The following MAGI2 variants were observed in gnomAD, a reference collection of about 807,000 sequenced individuals.
The protein encoded by MAGI2 is membrane-associated guanylate kinase, WW and PDZ domain-containing protein 2.
A neutral mutation model predicts 133.3 loss-of-function variants in MAGI2; 35 were observed. The observed-to-expected ratio is 0.26, with a 90% CI of 0.20 to 0.35. The LOEUF (loss-of-function observed/expected upper bound fraction) is 0.35. Ranked by LOEUF, MAGI2 falls within the 10% of genes least tolerant of loss-of-function variation. MAGI2 has a pLI of 1.00. For synonymous variants in MAGI2, 729 were observed against 710.6 expected, an observed-to-expected ratio of 1.03 and a Z score of -0.41; for missense variants, 1,636 against 1,863.4, an observed-to-expected ratio of 0.88 and a Z score of 2.25.
At chr7:79,228,739 G>A (rs1831095990) in intron 1 of MAGI2, among the ~76,000 whole-genome samples, 2 of 152,176 alleles carry the variant, frequency 1.3e-5, no homozygotes. Context: ...TAAAGGACAA[G>A]AGAGTTAGTT....
intron 3 of MAGI2, among the ~76,000 whole-genome samples, chr7:78,580,374 C>A (rs566621421): frequency 6.6e-6 from 1 of 152,236 alleles, no homozygotes; most frequent in African/African-American, 2.4e-5. Flanking sequence ...TTCTTCTAAA[C>A]AAGGTAATGA....
intron 2 of MAGI2, among the ~76,000 whole-genome samples, chr7:78,993,615 G>A (rs1209518376): frequency 6.6e-6 from 1 of 151,954 alleles, no homozygotes; most frequent in Non-Finnish European, 1.5e-5. Flanking sequence ...CTCAGAGGCA[G>A]CAGTTATGCT....
chr7:79,004,449 G>C (rs531525178), intron 2 of MAGI2, among the ~76,000 whole-genome samples: 4 of 152,256 alleles, frequency 2.6e-5, no homozygotes, highest in African/African-American at 9.6e-5. Flanking sequence ...CAGAGGGTTA[G>C]GAGAGTGAGG....
chr7:78,521,607 C>T lies in MAGI2; in HGVS notation c.577G>A (p.Ala193Thr). ...TCTGTTACATTTAACAATAATGGTG[C>T]TGGTTCTGCTGGCGGCTTTGGGGTA... is the stretch of plus-strand genomic sequence containing the variant. ...YGTPKPPAEPAPLLLNVTDQI... is the reference protein window; with the variant it reads ...YGTPKPPAEPTPLLLNVTDQI... The change falls in exon 4 of 22, where the codon GCA (alanine) becomes ACA (threonine). Residue 193 changes from alanine (A) to threonine (T), a missense_variant. Physicochemically the swap from Ala to Thr is moderately conservative, Grantham distance 58. This residue lies in a region of MAGI2 where 165 missense variants were observed against 128.4 expected (regional missense o/e 1.28). Coordinates refer to ENST00000354212, the MANE Select transcript of MAGI2 (RefSeq NM_012301.4). The T allele has an allele frequency of 1.2e-6, 2 of 1,614,090 alleles. No individual in the cohort carries two copies. The highest frequency in any genetic ancestry group is 1.7e-6 in the Non-Finnish European group (2 of 1,180,010).
At chr7:78,710,200 T>C (rs1415007121) in intron 2 of MAGI2, among the ~76,000 whole-genome samples, 2 of 151,884 alleles carry the variant, frequency 1.3e-5, no homozygotes, top group African/African-American at 2.4e-5. Context: ...ACACACATTC[T>C]ACTAAACAGG....
At chr7:78,382,820 C>T (rs1795047850) in intron 6 of MAGI2, among the ~76,000 whole-genome samples, 1 of 152,028 alleles carries the variant, frequency 6.6e-6, no homozygotes, top group African/African-American at 2.4e-5. Flanking sequence ...TCTATATGAT[C>T]ACATTTTTTA....
At chr7:78,415,991 A>T (rs1473270726) in intron 6 of MAGI2, among the ~76,000 whole-genome samples, 1 of 151,934 alleles carries the variant, frequency 6.6e-6, no homozygotes, top group Non-Finnish European at 1.5e-5. Flanking sequence ...GGGTGGGGTG[A>T]CTCCCAGTTC....
chr7:79,391,514 T>TATATATAGAC (rs1844622831), intron 1 of MAGI2, among the ~76,000 whole-genome samples: 1 of 46,334 alleles, frequency 2.2e-5, no homozygotes, highest in Non-Finnish European at 3.3e-5. Flanking sequence ...TAGACATATA[T>TATATATAGAC]ATATATATAT....
intron 10 of MAGI2, among the ~76,000 whole-genome samples, chr7:78,226,253 C>T (rs1020894697): frequency 6.6e-5 from 10 of 151,762 alleles, no homozygotes; most frequent in African/African-American, 4.8e-5. Flanking sequence ...CGAATGGTGC[C>T]CCCTACCGGT....
At chr7:78,669,364 A>T (rs1814047086) in intron 2 of MAGI2, among the ~76,000 whole-genome samples, 1 of 152,058 alleles carries the variant, frequency 6.6e-6, no homozygotes, top group South Asian at 2.1e-4. Flanking sequence ...TCCCAAGACT[A>T]AACCAGGAAG....
intron 1 of MAGI2, among the ~76,000 whole-genome samples, chr7:79,259,650 T>C (rs1380132503): frequency 2.0e-5 from 3 of 152,218 alleles, no homozygotes; most frequent in Non-Finnish European, 4.4e-5. Context: ...AGTTATAAGT[T>C]ATAAATTTGG....
At chr7:78,980,735 T>C (rs1018849843) in intron 2 of MAGI2, among the ~76,000 whole-genome samples, 12 of 151,900 alleles carry the variant, frequency 7.9e-5, no homozygotes, top group African/African-American at 2.7e-4. Context: ...AACCACACCT[T>C]GGTTCTGGGT....
intron 6 of MAGI2, among the ~76,000 whole-genome samples, chr7:78,431,675 T>A (rs1799808458): frequency 6.6e-6 from 1 of 152,086 alleles, no homozygotes; most frequent in Non-Finnish European, 1.5e-5. Context: ...CCCAGAGACT[T>A]TCAGCATGTA....
intron 2 of MAGI2, among the ~76,000 whole-genome samples, chr7:78,899,946 G>A (rs529607781): frequency 4.8e-4 from 73 of 152,184 alleles, no homozygotes; most frequent in Admixed American, 1.3e-3. Context: ...CCTTCAATGA[G>A]GGTGGAGCCA....
At chr7:78,372,813 C>T (rs1056576031) in intron 6 of MAGI2, among the ~76,000 whole-genome samples, 2 of 152,118 alleles carry the variant, frequency 1.3e-5, no homozygotes, top group African/African-American at 2.4e-5. Flanking sequence ...TTTAATTGTG[C>T]TTCCCAAATA....
At chr7:78,450,513 C>G (rs77372879) in intron 6 of MAGI2, among the ~76,000 whole-genome samples, 1 of 152,086 alleles carries the variant, frequency 6.6e-6, no homozygotes, top group Non-Finnish European at 1.5e-5. Context: ...ACAAAGCACA[C>G]GCCTCATTGT....
chr7:78,490,180 T>C (rs1006013396), intron 5 of MAGI2: 1 of 325,872 alleles, frequency 3.1e-6, no homozygotes, highest in African/African-American at 2.1e-5. Context: ...CCACAGGCTC[T>C]GATAATGTTT....
intron 3 of MAGI2, among the ~76,000 whole-genome samples, chr7:78,540,903 C>T (rs1218217950): frequency 2.0e-5 from 3 of 152,258 alleles, no homozygotes; most frequent in Non-Finnish European, 4.4e-5. Flanking sequence ...TGTTTGGAGG[C>T]AGACTTTTCC....
At chr7:79,296,455 T>G (rs1031891224) in intron 1 of MAGI2, among the ~76,000 whole-genome samples, 3 of 152,148 alleles carry the variant, frequency 2.0e-5, no homozygotes, top group Admixed American at 1.3e-4. Flanking sequence ...TACACATGCA[T>G]GGATAGAGAA....
Sources: allele counts gnomAD v4.1 joint callset (sites outside exome capture counted in the v4.1 genomes callset), GRCh38; gene constraint gnomAD v4.1.1; regional missense constraint gnomAD v4.1.1; transcripts MANE v1.5; gene names NCBI Gene and HGNC (gene_info 2026-07-23, HGNC 2026-07-21).